The following CHCHD6 variants were observed in gnomAD, a reference collection of about 807,000 sequenced individuals.
CHCHD6 encodes the protein coiled-coil-helix-coiled-coil-helix domain containing 6.
CHCHD6 carries 28 observed loss-of-function variants against 32.3 expected under a neutral mutation model. The ratio of observed to expected loss-of-function variants is 0.87; its 90% CI spans 0.64 to 1.19. The LOEUF (loss-of-function observed/expected upper bound fraction) is 1.19. CHCHD6 is among the 50% of genes most tolerant of loss of function. The pLI, the probability that CHCHD6 is intolerant of heterozygous loss-of-function variation, is 0.00. For synonymous variants in CHCHD6, 122 were observed against 117.5 expected (o/e 1.04, Z -0.25); for missense variants, 333 against 307.0 (o/e 1.08, Z -0.63).
At chr3:126,911,799 C>T (rs1202153625) in intron 5 of CHCHD6, among the ~76,000 whole-genome samples, 1 of 152,234 alleles carries the variant, frequency 6.6e-6, no homozygotes, top group East Asian at 1.9e-4. Context: ...CTGAAGCCCA[C>T]AGCAGGCCGG....
intron 6 of CHCHD6, among the ~76,000 whole-genome samples, chr3:126,956,188 A>T (rs2078780859): frequency 6.6e-6 from 1 of 152,188 alleles, no homozygotes; most frequent in Non-Finnish European, 1.5e-5. Flanking sequence ...CATGTGTGAC[A>T]GTGATCCTTT....
At chr3:126,708,835 CTCCCAG>C (rs901003922) in intron 1 of CHCHD6, among the ~76,000 whole-genome samples, 12 of 152,124 alleles carry the variant, frequency 7.9e-5, no homozygotes, top group Admixed American at 6.5e-4. Context: ...CCCATTCCCA[CTCCCAG>C]TCCCAGGTAA....
At chr3:126,723,475 ATATGCATATATTCAAAT>A (rs1172960948) in intron 1 of CHCHD6, among the ~76,000 whole-genome samples, 1 of 152,184 alleles carries the variant, frequency 6.6e-6, no homozygotes, top group African/African-American at 2.4e-5. Context: ...GGATATGTGT[ATATGCATATATTCAAAT>A]TCAGCAACAT....
At chr3:126,889,654 A>G (rs574817441) in intron 5 of CHCHD6, among the ~76,000 whole-genome samples, 1 of 152,340 alleles carries the variant, frequency 6.6e-6, no homozygotes, top group Non-Finnish European at 1.5e-5. Flanking sequence ...TGCCTTTATG[A>G]TACAGGAATC....
At chr3:126,761,487 C>T (rs572717479) in intron 4 of CHCHD6, among the ~76,000 whole-genome samples, 1 of 152,264 alleles carries the variant, frequency 6.6e-6, no homozygotes, top group East Asian at 1.9e-4. Context: ...TCACATTCTG[C>T]ACATCATAGC....
At chr3:126,870,521 C>G (rs1272315697) in intron 5 of CHCHD6, among the ~76,000 whole-genome samples, 2 of 152,208 alleles carry the variant, frequency 1.3e-5, no homozygotes, top group Non-Finnish European at 2.9e-5. Flanking sequence ...CCTTCACGTC[C>G]TGGTGCCTGG....
chr3:126,784,062 T>C (rs1938080597), intron 4 of CHCHD6, among the ~76,000 whole-genome samples: 1 of 152,146 alleles, frequency 6.6e-6, no homozygotes, highest in Non-Finnish European at 1.5e-5. Flanking sequence ...GTCTTGTACA[T>C]GGAGAACTCT....
intron 4 of CHCHD6, among the ~76,000 whole-genome samples, chr3:126,797,961 G>C (rs1938873563): frequency 6.6e-6 from 1 of 152,200 alleles, no homozygotes; most frequent in South Asian, 2.1e-4. Context: ...GTTGATGAAT[G>C]ATCTCCCCCA....
chr3:126,851,173 G>C (rs1941461803), intron 4 of CHCHD6, among the ~76,000 whole-genome samples: 1 of 152,232 alleles, frequency 6.6e-6, no homozygotes, highest in Admixed American at 6.5e-5. Flanking sequence ...CCTTTCAGCT[G>C]AGTCTTTCTC....
chr3:126,800,941 C>T (rs918402854), intron 4 of CHCHD6, among the ~76,000 whole-genome samples: 13 of 152,214 alleles, frequency 8.5e-5, no homozygotes, highest in African/African-American at 3.1e-4. Flanking sequence ...CAAATCACTT[C>T]CATAGAAACA....
chr3:126,763,578 T>C (rs1937243342), intron 4 of CHCHD6, among the ~76,000 whole-genome samples: 2 of 152,290 alleles, frequency 1.3e-5, no homozygotes, highest in East Asian at 1.9e-4. Context: ...TGGCCTCAAG[T>C]GATCCTCTTG....
intron 4 of CHCHD6, among the ~76,000 whole-genome samples, chr3:126,768,193 C>A (rs1937452119): frequency 6.6e-6 from 1 of 152,146 alleles, no homozygotes; most frequent in South Asian, 2.1e-4. Context: ...GCACCATCCC[C>A]TTAGTGCTGT....
intron 4 of CHCHD6, among the ~76,000 whole-genome samples, chr3:126,841,122 C>T (rs1250320892): frequency 6.6e-6 from 1 of 151,750 alleles, no homozygotes; most frequent in East Asian, 1.9e-4. Flanking sequence ...TCAATTCCCA[C>T]CTATGAGTGA....
At chr3:126,782,075 GTTTAATAC>G (rs1367924811) in intron 4 of CHCHD6, among the ~76,000 whole-genome samples, 4 of 152,158 alleles carry the variant, frequency 2.6e-5, no homozygotes, top group African/African-American at 9.7e-5. Flanking sequence ...TCATTCGTGT[GTTTAATAC>G]TTTTGTGGCT....
At chr3:126,857,943 CATGTGCCCCCAGGTTCACCAG>C (rs552547594) in intron 5 of CHCHD6, among the ~76,000 whole-genome samples, 7,128 of 152,232 alleles carry the variant, frequency 0.047, 212 homozygotes, top group Non-Finnish European at 0.066. Context: ...TAGCATTCTG[CATGTGCCCCCAGGTTCACCAG>C]ATGTGCCCCC....
At chr3:126,728,787 A>G (rs1305548907) in intron 2 of CHCHD6, among the ~76,000 whole-genome samples, 1 of 152,268 alleles carries the variant, frequency 6.6e-6, no homozygotes, top group African/African-American at 2.4e-5. Context: ...CCAGCAGTTT[A>G]GAAAGCAAGA....
At chr3:126,930,744 T>C (rs1023753784) in intron 6 of CHCHD6, among the ~76,000 whole-genome samples, 2 of 152,206 alleles carry the variant, frequency 1.3e-5, no homozygotes, top group African/African-American at 2.4e-5. Flanking sequence ...AGGAAACCTC[T>C]ATCCATCCCT....
chr3:126,797,486 T>C (rs1938851074), intron 4 of CHCHD6, among the ~76,000 whole-genome samples: 1 of 152,184 alleles, frequency 6.6e-6, no homozygotes, highest in South Asian at 2.1e-4. Context: ...CACTTATTTG[T>C]AGATGGAAAA....
intron 6 of CHCHD6, among the ~76,000 whole-genome samples, chr3:126,937,331 G>C (rs1294261085): frequency 1.3e-5 from 2 of 152,216 alleles, no homozygotes; most frequent in African/African-American, 2.4e-5. Flanking sequence ...GATTCTGAGG[G>C]ACCAGGAAGA....
Sources: allele counts gnomAD v4.1 joint callset (sites outside exome capture counted in the v4.1 genomes callset), GRCh38; gene constraint gnomAD v4.1.1; transcripts MANE v1.5; gene names NCBI Gene and HGNC (gene_info 2026-07-23, HGNC 2026-07-21).